FAN1: variants seen among roughly 807,000 people sequenced by gnomAD.
The protein encoded by FAN1 is fanconi-associated nuclease 1.
A neutral mutation model predicts 104.9 loss-of-function variants in FAN1; 91 were observed. The ratio of observed to expected loss-of-function variants is 0.87; its 90% confidence interval spans 0.73 to 1.03. FAN1 has a LOEUF of 1.03. FAN1 is among the 50% of genes least tolerant of loss of function. The pLI is 0.00. For missense variants in FAN1, 1,263 were observed against 1,239.9 expected, an observed-to-expected ratio of 1.02 and a Z score of -0.28; for synonymous variants, 478 against 457.6, an observed-to-expected ratio of 1.04 and a Z score of -0.57.
Position 30,925,268 on chromosome 15 carries a change from A to T in FAN1, c.2314A>T (p.Met772Leu), listed in dbSNP as rs1353267768. The change falls in exon 9 of 15, where the codon ATG (methionine) becomes TTG (leucine). Residue 772 changes from methionine to leucine, a missense_variant. Physicochemically the swap from Met to Leu is conservative, Grantham distance 15 (BLOSUM62 2). This residue lies in a region of FAN1 where 581 missense variants were observed against 668.8 expected (regional missense o/e 0.87). Coordinates refer to ENST00000362065, the MANE Select transcript of FAN1 (RefSeq NM_014967.5). ...GCACCTCTTCCAGCAGCTCCCAGAAATGGCTGTGCAAGATGTGAAACACGT... is the reference window on the plus strand; with the variant it reads ...GCACCTCTTCCAGCAGCTCCCAGAATTGGCTGTGCAAGATGTGAAACACGT... ...FKHLFQQLPE[M>L]AVQDVKHVTI... 6.2e-7 allele frequency: 1 copy of T among 1,614,128 alleles called. No individual in the cohort carries two copies. Among genetic ancestry groups the T allele is most frequent in the African/African-American group, 1.3e-5 (1 of 75,046 alleles).
intron 7 of FAN1, among the ~76,000 whole-genome samples, chr15:30,921,785 T>C (rs1036197319): frequency 2.0e-5 from 3 of 152,208 alleles, no homozygotes; most frequent in Non-Finnish European, 4.4e-5. Flanking sequence ...AATGTTCCTG[T>C]TGAGGTAGGG....
intron 14 of FAN1, chr15:30,939,273 A>G (rs2062957284): frequency 2.0e-6 from 2 of 985,484 alleles, no homozygotes; most frequent in Non-Finnish European, 2.4e-6. Flanking sequence ...TTTACGTTCA[A>G]TACTAGAAAT....
rs1487105764 is a variant in FAN1 at position 30,941,971 on chromosome 15, T to C, written c.*409T>C. On this transcript the variant is annotated 3_prime_UTR_variant, in exon 15 of 15. Coordinates refer to ENST00000362065, the MANE Select transcript of FAN1 (RefSeq NM_014967.5). ...TTTGCTGAGCTGGATCTGGCTTTGGTTTTAATATCAATGAATTTCTCCTTG... is the reference window on the plus strand; with the variant it reads ...TTTGCTGAGCTGGATCTGGCTTTGGCTTTAATATCAATGAATTTCTCCTTG... The C allele has an allele frequency of 1.3e-5, 21 of 1,613,860 alleles. No individual in the cohort carries two copies. The highest frequency in any genetic ancestry group is 1.8e-5 in the Non-Finnish European group (21 of 1,179,902).
intron 13 of FAN1, among the ~76,000 whole-genome samples, chr15:30,936,832 G>GT (rs2062867928): frequency 2.0e-5 from 3 of 151,140 alleles, no homozygotes; most frequent in African/African-American, 7.3e-5. Context: ...ACTGGGAGCT[G>GT]TGGCTCACTG....
intron 6 of FAN1, among the ~76,000 whole-genome samples, chr15:30,919,403 A>G (rs2062267154): frequency 6.9e-6 from 1 of 144,634 alleles, no homozygotes; most frequent in Non-Finnish European, 1.5e-5. Flanking sequence ...AAAAAAAATC[A>G]TAAGGGGCTG....
In FAN1 at chr15:30,941,916, A is replaced by T. The variant is rs913520743; in HGVS notation, c.*354A>T. The stretch of plus-strand genomic sequence containing the variant: ...GGTTTGGAAAACCATTCTCTAAAAT[A>T]CTGCTCCGTATCACTGTTCTGGCTG... On this transcript the variant is annotated 3_prime_UTR_variant, in exon 15 of 15. Transcript: ENST00000362065. The T allele has an allele frequency of 5.6e-6, 9 of 1,613,928 alleles. No homozygotes were observed. The highest frequency in any genetic ancestry group is 5.0e-5 in the Admixed American group (3 of 60,012).
intron 3 of FAN1, among the ~76,000 whole-genome samples, chr15:30,909,036 T>C (rs577233065): frequency 2.6e-5 from 4 of 152,338 alleles, no homozygotes; most frequent in Admixed American, 2.6e-4. Context: ...CATTGTTGAA[T>C]TGCTTTAAGC....
intron 8 of FAN1, among the ~76,000 whole-genome samples, chr15:30,922,966 C>A (rs1046290149): frequency 2.6e-5 from 4 of 152,224 alleles, no homozygotes; most frequent in African/African-American, 9.6e-5. Flanking sequence ...AGAGCCTGTG[C>A]CTGTGGGCTA....
chr15:30,914,857 A>G (rs909049495), intron 5 of FAN1, among the ~76,000 whole-genome samples: 11 of 152,236 alleles, frequency 7.2e-5, no homozygotes, highest in Admixed American at 1.3e-4. Flanking sequence ...ACTAATTTAT[A>G]TTGGCACACG....
intron 4 of FAN1, among the ~76,000 whole-genome samples, chr15:30,913,218 C>G (rs1343697515): frequency 2.0e-5 from 3 of 152,154 alleles, no homozygotes; most frequent in Non-Finnish European, 4.4e-5. Context: ...CTATTGTGAA[C>G]TGCGCATGCG....
intron 8 of FAN1, among the ~76,000 whole-genome samples, chr15:30,923,290 C>T (rs993306979): frequency 3.3e-5 from 5 of 152,172 alleles, no homozygotes. Context: ...TTTACTGAGG[C>T]TGAAATAGCA....
chr15:30,933,941 T>C (rs1264658488), intron 13 of FAN1, among the ~76,000 whole-genome samples: 3 of 152,114 alleles, frequency 2.0e-5, no homozygotes, highest in Non-Finnish European at 4.4e-5. Flanking sequence ...TTTTTATTTT[T>C]TGTAGAGATG....
At position 30,929,768 on chromosome 15, in the gene FAN1, TATATA is replaced by T. The variant is rs1377962896; in HGVS notation, c.2787+377_2787+381del. ...ATCATATATAATATAATATATAAAATATATAATATATTATATCATATATAATATAA... is the reference window on the plus strand; with the variant it reads ...ATCATATATAATATAATATATAAAATATATATTATATCATATATAATATAA... On this transcript the variant is annotated intron_variant, in intron 12 of 14. Coordinates refer to ENST00000362065, the MANE Select transcript of FAN1 (RefSeq NM_014967.5). Among the ~76,000 whole-genome samples, 14 of 39,580 alleles carry T rather than the reference TATATA, an allele frequency of 3.5e-4. 1 individual carries two copies. The South Asian group carries it at 8.2e-3, about 23-fold the overall frequency. The allele number at this position is 39,580 out of a possible 152,430, so 26.0% of individuals were successfully genotyped here. A position where few individuals can be genotyped will look rare whatever the true frequency, so the allele number is the denominator to read the frequency against.
At chr15:30,936,032 G>A (rs1006655864) in intron 13 of FAN1, among the ~76,000 whole-genome samples, 2 of 150,026 alleles carry the variant, frequency 1.3e-5, no homozygotes, top group Non-Finnish European at 3.0e-5. Flanking sequence ...TTTTTTTCTC[G>A]TTCCTTTGGG....
At chr15:30,914,343 A>G (rs1381196855) in intron 5 of FAN1, among the ~76,000 whole-genome samples, 1 of 152,162 alleles carries the variant, frequency 6.6e-6, no homozygotes, top group African/African-American at 2.4e-5. Flanking sequence ...TATGTTTCCA[A>G]GTACCTTTGG....
intron 8 of FAN1, among the ~76,000 whole-genome samples, chr15:30,923,775 G>C (rs1416453372): frequency 6.6e-6 from 1 of 152,194 alleles, no homozygotes; most frequent in East Asian, 1.9e-4. Flanking sequence ...TGGATGGCCT[G>C]AGCCTTCACT....
rs1000697246 is a variant in FAN1, at chr15:30,928,090, T to C, written c.2489-463T>C. Reference sequence around the variant, plus strand: ...TGCTGAGGCCAAGAACGGAGGTGGCTGCTGCCGGCCTCCGGGAGGTCCCCT... The same window carrying C: ...TGCTGAGGCCAAGAACGGAGGTGGCCGCTGCCGGCCTCCGGGAGGTCCCCT... On this transcript the variant is annotated intron_variant, in intron 10 of 14. Coordinates refer to ENST00000362065, the MANE Select transcript of FAN1 (RefSeq NM_014967.5). 6.2e-5 allele frequency: 62 copies of C among 1,000,800 alleles called. No individual in the cohort carries two copies. In the African/African-American group the frequency reaches 1.1e-3, roughly 17 times the overall value. The allele number at this position is 1,000,800 out of a possible 1,614,324, so 62.0% of individuals were successfully genotyped here.
rs775603515 is a variant in FAN1 at position 30,910,706 on chromosome 15, A to C, written c.1468A>C (p.Asn490His). The C allele has an allele frequency of 6.2e-7, 1 of 1,614,082 alleles. No homozygotes were observed. The highest frequency in any genetic ancestry group is 8.5e-7 in the Non-Finnish European group (1 of 1,179,996). ...LAKTFHLVNPNGQKQQLVDAF... is the reference protein window; with the variant it reads ...LAKTFHLVNPHGQKQQLVDAF... ...CAAGACCTTCCACTTGGTGAATCCC[A>C]ATGGACAGAAACAGCAGCTGGTGGA... is the stretch of plus-strand genomic sequence containing the variant. Residue 490 changes from asparagine (N) to histidine (H), a missense_variant, in exon 4 of 15, where the codon AAT (asparagine) becomes CAT (histidine). Transcript: ENST00000362065.
Position 30,942,096 on chromosome 15 carries a change from G to A in FAN1, c.*534G>A, listed in dbSNP as rs1170836676. On this transcript the variant is annotated 3_prime_UTR_variant, in exon 15 of 15. Transcript: ENST00000362065. Reference sequence around the variant, plus strand: ...TTCTATACAGAAGAGATTTTATTATGTTCCGGGGATTCCCTTTTTAGAAAG... The same window carrying A: ...TTCTATACAGAAGAGATTTTATTATATTCCGGGGATTCCCTTTTTAGAAAG... 1 of 1,585,794 alleles carries A rather than the reference G, an allele frequency of 6.3e-7. No homozygotes were observed. Among genetic ancestry groups the A allele is most frequent in the Admixed American group, 1.8e-5 (1 of 56,218 alleles).
Sources: allele counts gnomAD v4.1 joint callset (sites outside exome capture counted in the v4.1 genomes callset), GRCh38; gene constraint gnomAD v4.1.1; regional missense constraint gnomAD v4.1.1; transcripts MANE v1.5; gene names NCBI Gene and HGNC (gene_info 2026-07-23, HGNC 2026-07-21).